HDAC9: variants seen among roughly 807,000 people sequenced by gnomAD.
The protein encoded by HDAC9 is MEF-2 interacting transcription repressor (MITR) protein.
HDAC9 carries 41 observed loss-of-function variants against 139.4 expected under a neutral mutation model. That is an observed-to-expected ratio of 0.29 (90% CI 0.23 to 0.38). The LOEUF (loss-of-function observed/expected upper bound fraction) is 0.38. Ranked by LOEUF, HDAC9 falls within the 10% of genes least tolerant of loss-of-function variation. HDAC9 has a pLI of 1.00. For synonymous variants in HDAC9, 517 were observed against 476.2 expected, an observed-to-expected ratio of 1.09 and a Z score of -1.12; for missense variants, 1,147 against 1,297.0, an observed-to-expected ratio of 0.88 and a Z score of 1.78.
intron 1 of HDAC9, among the ~76,000 whole-genome samples, chr7:18,383,718 T>TAA (rs79484446): frequency 7.1e-6 from 1 of 141,770 alleles, no homozygotes. Context: ...CCGTCTCTAC[T>TAA]AAAAAAAAAA....
intron 12 of HDAC9, among the ~76,000 whole-genome samples, chr7:18,697,796 T>C (rs1783161532): frequency 6.9e-6 from 1 of 144,164 alleles, no homozygotes; most frequent in African/African-American, 2.6e-5. Flanking sequence ...AAGTAAACAG[T>C]AGATTTTTTT....
intron 11 of HDAC9, among the ~76,000 whole-genome samples, chr7:18,661,104 G>A (rs573850069): frequency 1.8e-4 from 28 of 152,194 alleles, no homozygotes; most frequent in African/African-American, 5.5e-4. Context: ...TAGTATTTAG[G>A]AGCACAGTAG....
chr7:18,427,718 A>C (rs1184798592), intron 1 of HDAC9, among the ~76,000 whole-genome samples: 1 of 144,268 alleles, frequency 6.9e-6, no homozygotes, highest in African/African-American at 2.6e-5. Flanking sequence ...TTTTTTAAAT[A>C]TTTTCTTTTA....
In HDAC9 at chr7:18,842,209, A is replaced by G. The variant is rs78396743; in HGVS notation, c.2684+6212A>G. Among the ~76,000 whole-genome samples the G allele has an allele frequency of 3.8e-3, 582 of 152,216 alleles. 3 individuals carry two copies. The highest frequency in any genetic ancestry group is 0.013 in the African/African-American group (548 of 41,564). On this transcript the variant is annotated intron_variant, in intron 21 of 25. Transcript: ENST00000686413. The stretch of plus-strand genomic sequence containing the variant: ...CAAGTAAATATATTAAGCTCATGAT[A>G]TCATGTATTTTCCCAAGGATGTTGA...
At chr7:18,954,027 A>G in intron 23 of HDAC9, 119 bp from the exon 24 acceptor site, 5 of 681,794 alleles carry the variant, frequency 7.3e-6, no homozygotes, top group South Asian at 7.0e-5. Flanking sequence ...GCAAAATGTT[A>G]ACTAGTTCTC....
Position 18,544,614 on chromosome 7 carries a change from C to A in HDAC9, c.23-40667C>A, listed in dbSNP as rs116427081. Reference sequence around the variant, plus strand: ...CTGAGGTCTGAACTCTGGGACACTCCACCATTTAGGGAGCAGAAAGAGAGT... The same window carrying A: ...CTGAGGTCTGAACTCTGGGACACTCAACCATTTAGGGAGCAGAAAGAGAGT... On this transcript the variant is annotated intron_variant, in intron 2 of 25. Coordinates refer to ENST00000686413, the MANE Select transcript of HDAC9 (RefSeq NM_178425.4). 4.8e-3 allele frequency among the ~76,000 whole-genome samples: 727 copies of A among 152,250 alleles called. 5 individuals carry two copies. Among genetic ancestry groups the A allele is most frequent in the African/African-American group, 0.016 (680 of 41,566 alleles).
chr7:18,579,856 A>G (rs1294473925), intron 2 of HDAC9, among the ~76,000 whole-genome samples: 1 of 152,002 alleles, frequency 6.6e-6, no homozygotes, highest in African/African-American at 2.4e-5. Flanking sequence ...TGCTTTGAGA[A>G]GGGCCATATG....
chr7:18,457,153 TCCATTTCTTAACCCTTG>T (rs1793420192), intron 1 of HDAC9, among the ~76,000 whole-genome samples: 1 of 152,322 alleles, frequency 6.6e-6, no homozygotes, highest in Admixed American at 6.5e-5. Context: ...ACTCAGCATG[TCCATTTCTTAACCCTTG>T]CTAATGAGAA....
intron 17 of HDAC9, among the ~76,000 whole-genome samples, chr7:18,824,176 A>C (rs903370459): frequency 4.6e-5 from 7 of 152,166 alleles, no homozygotes; most frequent in Non-Finnish European, 7.4e-5. Flanking sequence ...AGGGTGGCAG[A>C]GGGAAGACGG....
At position 18,318,180 on chromosome 7, in the gene HDAC9, G is replaced by A. The variant is rs899963196; in HGVS notation, c.-42+27665G>A. Among the ~76,000 whole-genome samples the A allele has an allele frequency of 2.9e-4, 44 of 152,140 alleles. 1 individual carries two copies. The highest frequency in any genetic ancestry group is 1.8e-3 in the Admixed American group (28 of 15,280). ...TTTTTTACTTGCAGCTGCAAGATAC[G>A]CCAGCATCTCTTGGATCAGAGCCCT... is the stretch of plus-strand genomic sequence containing the variant. On this transcript the variant is annotated intron_variant, in intron 1 of 3. Coordinates refer to the HDAC9 transcript ENST00000413509.
chr7:18,793,682 C>T (rs1454181636), intron 17 of HDAC9, among the ~76,000 whole-genome samples: 5 of 152,082 alleles, frequency 3.3e-5, no homozygotes, highest in Admixed American at 6.6e-5. Context: ...CAGGGCCCAC[C>T]GGTGTGCATG....
At chr7:18,605,580 A>AT (rs1379187495) in intron 6 of HDAC9, among the ~76,000 whole-genome samples, 6 of 152,058 alleles carry the variant, frequency 3.9e-5, no homozygotes, top group South Asian at 2.1e-4. Context: ...ACAGAAAGGG[A>AT]TTTTTTTCTC....
At chr7:18,512,171 A>G (rs1480209942) in intron 2 of HDAC9, among the ~76,000 whole-genome samples, 2 of 152,202 alleles carry the variant, frequency 1.3e-5, no homozygotes, top group Admixed American at 6.5e-5. Context: ...CTGAAACTTT[A>G]TATTTAATGG....
Position 19,000,557 on chromosome 7 carries a change from T to A in HDAC9, c.*4495T>A, listed in dbSNP as rs1786701320. ...TATTCCTGGCTTCGTATAATGGTTT[T>A]GTAAAATACATTAAATACAATTAAG... is the stretch of plus-strand genomic sequence containing the variant. On this transcript the variant is annotated 3_prime_UTR_variant, in exon 26 of 26. Transcript: ENST00000686413. 1 of 152,254 alleles carries A rather than the reference T, an allele frequency of 6.6e-6. No individual in the cohort carries two copies. The allele number at this position is 152,254 out of a possible 1,614,324, so 9.4% of individuals were successfully genotyped here.
chr7:18,288,987 T>C (rs1172745963), upstream of HDAC9, among the ~76,000 whole-genome samples: 1 of 152,204 alleles, frequency 6.6e-6, no homozygotes, highest in African/African-American at 2.4e-5. Context: ...TCTCCCTTTC[T>C]TTTTCACTTC....
chr7:18,239,019 T>A (rs1329510267), intron 2 of HDAC9, among the ~76,000 whole-genome samples: 1 of 152,202 alleles, frequency 6.6e-6, no homozygotes, highest in Non-Finnish European at 1.5e-5. Context: ...TTCCTCTTAA[T>A]GGGTATTTTA....
chr7:18,540,285 A>AT (rs1812396529), intron 2 of HDAC9, among the ~76,000 whole-genome samples: 2 of 151,552 alleles, frequency 1.3e-5, no homozygotes, highest in Admixed American at 1.3e-4. Context: ...AAAAAAAAAA[A>AT]AAAAAAAAGG....
chr7:18,995,803 A>C (rs1282079370), intron 25 of HDAC9, among the ~76,000 whole-genome samples: 1 of 152,236 alleles, frequency 6.6e-6, no homozygotes, highest in African/African-American at 2.4e-5. Context: ...GACATGTTTT[A>C]ATATAAACAG....
intron 1 of HDAC9, among the ~76,000 whole-genome samples, chr7:18,447,588 C>T (rs1467049353): frequency 6.6e-6 from 1 of 152,098 alleles, no homozygotes; most frequent in Non-Finnish European, 1.5e-5. Flanking sequence ...CTTAGTCATG[C>T]AAATTTAATT....
Sources: allele counts gnomAD v4.1 joint callset (sites outside exome capture counted in the v4.1 genomes callset), GRCh38; gene constraint gnomAD v4.1.1; transcripts MANE v1.5; gene names NCBI Gene and HGNC (gene_info 2026-07-23, HGNC 2026-07-21).